The following LPIN2 variants were observed in gnomAD, a reference collection of about 807,000 sequenced individuals.
LPIN2 encodes the protein lipin 2, also known as phosphatidate phosphatase LPIN2.
A neutral mutation model predicts 111.4 loss-of-function variants in LPIN2; 55 were observed. That is an observed-to-expected ratio of 0.49 (90% CI 0.40 to 0.62). The LOEUF (loss-of-function observed/expected upper bound fraction) is 0.62. LPIN2 is among the 20% of genes least tolerant of loss of function. LPIN2 has a pLI of 0.00. For missense variants in LPIN2, 992 were observed against 1,112.1 expected (o/e 0.89, Z 1.54); for synonymous variants, 425 against 414.0 (o/e 1.03, Z -0.32).
chr18:3,012,327 T>C (rs1598622155), intron 1 of LPIN2, among the ~76,000 whole-genome samples: 1 of 152,260 alleles, frequency 6.6e-6, no homozygotes, highest in Admixed American at 6.5e-5. Flanking sequence ...CTGGTTTGCA[T>C]AATTATGCCT....
rs574205288 is a variant in LPIN2 at position 2,974,037 on chromosome 18, T to C, written c.-9-13188A>G. On this transcript the variant is annotated intron_variant, in intron 1 of 19. Transcript: ENST00000677752. ...TTTATTTGGATATTTTAAAACGGGA[T>C]TGCTAAGATATCTTTTTACAAAGTT... 5.9e-5 allele frequency among the ~76,000 whole-genome samples: 9 copies of C among 152,336 alleles called. 1 individual carries two copies. The South Asian group carries it at 1.7e-3, about 28-fold the overall frequency.
chr18:2,971,468 T>C (rs970786400), intron 1 of LPIN2, among the ~76,000 whole-genome samples: 4 of 152,086 alleles, frequency 2.6e-5, no homozygotes, highest in African/African-American at 9.7e-5. Context: ...GGCATGAACA[T>C]TTAGGCTACC....
chr18:2,934,528 A>C (rs183055107), intron 7 of LPIN2, 78 bp from the exon 8 acceptor site: 1 of 903,070 alleles, frequency 1.1e-6, no homozygotes, highest in East Asian at 2.5e-5. Context: ...CACGTTTGCA[A>C]ACAGTAAGAG....
intron 2 of LPIN2, among the ~76,000 whole-genome samples, chr18:2,956,294 T>G (rs2143155309): frequency 8.4e-6 from 1 of 119,164 alleles, no homozygotes; most frequent in African/African-American, 3.6e-5. Context: ...CTCATGATTT[T>G]CATATATAGA....
rs145211520 is a variant in LPIN2 at position 2,926,453 on chromosome 18, T to A, written c.1793+270A>T. On this transcript the variant is annotated intron_variant, in intron 13 of 19. Transcript: ENST00000677752. Reference sequence around the variant, plus strand: ...GGGATGCAGGGGGAGCAGAGGCACCTGGGCCAACATGGCTGAAGCGTTCCT... The same window carrying A: ...GGGATGCAGGGGGAGCAGAGGCACCAGGGCCAACATGGCTGAAGCGTTCCT... Among the ~76,000 whole-genome samples the A allele has an allele frequency of 0.013, 2,047 of 152,342 alleles. 53 individuals are homozygous for A. The highest frequency in any genetic ancestry group is 0.047 in the African/African-American group (1,941 of 41,582).
At chr18:3,005,208 C>T (rs956966386) in intron 1 of LPIN2, among the ~76,000 whole-genome samples, 13 of 151,772 alleles carry the variant, frequency 8.6e-5, no homozygotes, top group African/African-American at 2.4e-4. Context: ...AAATTAGCAG[C>T]GTTTGGTGGC....
In LPIN2 at chr18:2,973,591, T is replaced by C. The variant is rs535038262; in HGVS notation, c.-9-12742A>G. 2.0e-5 allele frequency among the ~76,000 whole-genome samples: 3 copies of C among 152,364 alleles called. No homozygotes were observed. In the East Asian group the frequency reaches 5.8e-4, roughly 29 times the overall value. On this transcript the variant is annotated intron_variant, in intron 1 of 19. Coordinates refer to ENST00000677752, the MANE Select transcript of LPIN2 (RefSeq NM_001375808.2). ...GTTTATCCATTCACTAGCTAGAAGA[T>C]ATCTGGGTTGTTTCCAGGTTTCGGC...
intron 1 of LPIN2, among the ~76,000 whole-genome samples, chr18:2,992,903 G>A (rs1004205986): frequency 1.3e-5 from 2 of 150,724 alleles, no homozygotes; most frequent in Non-Finnish European, 2.9e-5. Context: ...GGAGAATGGC[G>A]TGAACCTGGA....
chr18:2,950,962 T>C (rs898067436), intron 4 of LPIN2, 93 bp downstream of exon 4: 27 of 1,361,740 alleles, frequency 2.0e-5, no homozygotes, highest in Admixed American at 1.0e-4. Context: ...AGCCCAAACC[T>C]CACACTGTGT....
intron 4 of LPIN2, chr18:2,946,187 A>C: frequency 1.2e-6 from 2 of 1,610,088 alleles, no homozygotes; most frequent in Non-Finnish European, 1.7e-6. Context: ...TTTTAATTCC[A>C]AATTTGTCAT....
intron 4 of LPIN2, chr18:2,945,773 T>C (rs2077441872): frequency 2.4e-6 from 3 of 1,244,472 alleles, no homozygotes; most frequent in Admixed American, 1.7e-5. Context: ...TATTTGCTTC[T>C]ACTCGACTAA....
At position 3,004,166 on chromosome 18, in the gene LPIN2, G is replaced by A. The variant is rs147874288; in HGVS notation, c.-10+8921C>T. Among the ~76,000 whole-genome samples, 445 of 152,274 alleles carry A rather than the reference G, an allele frequency of 2.9e-3. 1 individual carries two copies. Among genetic ancestry groups the A allele is most frequent in the Non-Finnish European group, 3.8e-3 (257 of 68,020 alleles). On this transcript the variant is annotated intron_variant, in intron 1 of 19. Coordinates refer to ENST00000677752, the MANE Select transcript of LPIN2 (RefSeq NM_001375808.2). ...GTTAAGATGTTTATCAAGACAATAT[G>A]TGCACAGCAGGACATAGACCCTCAT...
chr18:3,006,128 G>A (rs564896614), intron 1 of LPIN2, among the ~76,000 whole-genome samples: 8 of 152,204 alleles, frequency 5.3e-5, no homozygotes, highest in East Asian at 1.9e-4. Context: ...GATACTTTAC[G>A]TAAAAAACTT....
intron 1 of LPIN2, among the ~76,000 whole-genome samples, chr18:2,968,925 G>A (rs144785157): frequency 1.5e-4 from 23 of 152,316 alleles, no homozygotes; most frequent in Non-Finnish European, 2.5e-4. Context: ...ATTCAGGCAA[G>A]AGACTGCACA....
In LPIN2 at chr18:2,926,781, A is replaced by C. The variant is rs150022314; in HGVS notation, c.1735T>G (p.Ser579Ala). 6.2e-7 allele frequency: 1 copy of C among 1,613,756 alleles called. No homozygotes were observed. Among genetic ancestry groups the C allele is most frequent in the Non-Finnish European group, 8.5e-7 (1 of 1,179,992 alleles). Residue 579 changes from serine (S) to alanine (A), a missense_variant, in exon 13 of 20, where the codon TCT (serine) becomes GCT (alanine). Around this residue, in one of 4 missense-constraint regions of LPIN2, gnomAD observed 709 missense variants for 753.2 expected, o/e 0.94. Transcript: ENST00000677752. ...KQLPESKEGK[S>A]EAPPASDLPS... ...AGGTCACTGGCTGGCGGTGCCTCAG[A>C]TTTTCCCTCCTTGGATTCTGGCAGC...
intron 1 of LPIN2, among the ~76,000 whole-genome samples, chr18:3,006,390 GA>G (rs2078515575): frequency 1.3e-5 from 2 of 152,138 alleles, no homozygotes; most frequent in Non-Finnish European, 2.9e-5. Flanking sequence ...TCCTGCAACA[GA>G]AGATCAGTCC....
chr18:3,006,323 T>C (rs1235603567), intron 1 of LPIN2, among the ~76,000 whole-genome samples: 1 of 152,242 alleles, frequency 6.6e-6, no homozygotes, highest in Non-Finnish European at 1.5e-5. Context: ...CAAATTTCTA[T>C]ATTTCAAATA....
chr18:2,938,048 T>TA lies in LPIN2; in HGVS notation c.823-12dup, dbSNP rs749848332. On this transcript the variant is annotated splice_polypyrimidine_tract_variant and intron_variant, in intron 6 of 19. Transcript: ENST00000677752. Reference sequence around the variant, plus strand: ...TTCTCTTTTGCTGACCTAAAAAAGTTAAATTGTTTAAAAATTAAACTACTT... The same window carrying TA: ...TTCTCTTTTGCTGACCTAAAAAAGTTAAAATTGTTTAAAAATTAAACTACTT... 19 of 1,597,296 alleles carry TA rather than the reference T, an allele frequency of 1.2e-5. No homozygotes were observed. Among genetic ancestry groups the TA allele is most frequent in the Non-Finnish European group, 8.6e-7 (1 of 1,166,660 alleles).
intron 4 of LPIN2, among the ~76,000 whole-genome samples, chr18:2,941,959 A>G (rs900785841): frequency 6.6e-6 from 1 of 152,256 alleles, no homozygotes; most frequent in African/African-American, 2.4e-5. Flanking sequence ...ATAAAGCGCC[A>G]TATTATACAA....
Sources: gnomAD v4.1 joint callset for allele counts (sites outside exome capture counted in the v4.1 genomes callset) on GRCh38, gnomAD v4.1.1 for gene constraint, gnomAD v4.1.1 regional missense constraint, MANE v1.5 for transcripts, NCBI Gene and HGNC (gene_info 2026-07-23, HGNC 2026-07-21) for gene names.